Variants in KLF8 observed in about 807,000 individuals in gnomAD.
KLF8 encodes the protein Krueppel-like factor 8.
KLF8 carries 10 observed loss-of-function variants against 18.2 expected under a neutral mutation model. That is an observed-to-expected ratio of 0.55 (90% CI 0.34 to 0.93). KLF8 has a LOEUF of 0.93. Among genes scored for constraint, KLF8 ranks in the 40% least tolerant of loss-of-function variants. KLF8 has a pLI of 0.02. For synonymous variants in KLF8, 109 were observed against 97.3 expected (o/e 1.12, Z -0.71); for missense variants, 264 against 277.9 (o/e 0.95, Z 0.36).
At chrX:56,003,785 C>T in the KLF8 span, among the ~76,000 whole-genome samples, 37 of 112,097 alleles carry the variant, frequency 3.3e-4, 1 homozygote, top group East Asian at 0.01. Flanking sequence ...TGTTTTCTTA[C>T]TATTGTTTTG....
the KLF8 span, among the ~76,000 whole-genome samples, chrX:55,977,052 T>A: frequency 8.9e-6 from 1 of 112,097 alleles, no homozygotes; most frequent in Admixed American, 9.5e-5. Context: ...ATAAGATAGG[T>A]CATCTGCCAA....
At chrX:56,137,516 A>C in the KLF8 span, among the ~76,000 whole-genome samples, 1 of 104,259 alleles carries the variant, frequency 9.6e-6, no homozygotes, top group Non-Finnish European at 2.0e-5. Context: ...CAAAAAACCA[A>C]ACAATGCATA....
the KLF8 span, among the ~76,000 whole-genome samples, chrX:56,080,420 C>A: frequency 1.8e-5 from 2 of 110,719 alleles, no homozygotes; most frequent in Non-Finnish European, 3.8e-5. Flanking sequence ...CTTAGTTTGG[C>A]TGGATATGAA....
chrX:56,009,420 A>C, the KLF8 span, among the ~76,000 whole-genome samples: 3 of 111,853 alleles, frequency 2.7e-5, no homozygotes, highest in East Asian at 2.8e-4. Context: ...TCATCAACAA[A>C]AAAAAAAGTC....
At chrX:56,264,900 A>G (rs1452748549) in intron 2 of KLF8, among the ~76,000 whole-genome samples, 2 of 112,352 alleles carry the variant, frequency 1.8e-5, no homozygotes, top group Non-Finnish European at 3.8e-5. Context: ...CTGAGCTTAT[A>G]GTAGATGCTC....
the KLF8 span, among the ~76,000 whole-genome samples, chrX:56,134,452 G>A: frequency 9.0e-6 from 1 of 111,524 alleles, no homozygotes; most frequent in East Asian, 2.8e-4. Flanking sequence ...TGAGATAATT[G>A]GCAAGCCACA....
chrX:56,151,824 T>C, the KLF8 span, among the ~76,000 whole-genome samples: 1 of 111,406 alleles, frequency 9.0e-6, no homozygotes, highest in East Asian at 2.8e-4. Context: ...TGAGCTCTCC[T>C]TATTGGAGGG....
At chrX:56,193,556 T>A in the KLF8 span, among the ~76,000 whole-genome samples, 1 of 112,297 alleles carries the variant, frequency 8.9e-6, no homozygotes, top group Non-Finnish European at 1.9e-5. Flanking sequence ...TAGCTGATAC[T>A]TGGAAGCAAT....
At chrX:56,082,837 G>C in the KLF8 span, among the ~76,000 whole-genome samples, 1 of 111,151 alleles carries the variant, frequency 9.0e-6, no homozygotes, top group Non-Finnish European at 1.9e-5. Flanking sequence ...TTTTTTCTTT[G>C]AGCACCTAAA....
chrX:56,230,580 TA>T (rs1254583706), upstream of KLF8, among the ~76,000 whole-genome samples: 10 of 111,382 alleles, frequency 9.0e-5, no homozygotes. Context: ...ATGAAACAAA[TA>T]CATATGCATG....
chrX:56,085,679 C>T, the KLF8 span, among the ~76,000 whole-genome samples: 3 of 112,168 alleles, frequency 2.7e-5, no homozygotes, highest in Non-Finnish European at 3.8e-5. Context: ...CAAGTTTACA[C>T]ATGAAAGTAA....
chrX:55,929,912 T>A, the KLF8 span, among the ~76,000 whole-genome samples: 2 of 110,283 alleles, frequency 1.8e-5, no homozygotes, highest in African/African-American at 6.6e-5. Context: ...TTTTTAATTC[T>A]GTGAAGAAAG....
the KLF8 span, among the ~76,000 whole-genome samples, chrX:56,191,453 A>T: frequency 1.8e-5 from 2 of 112,014 alleles, no homozygotes; most frequent in Non-Finnish European, 3.8e-5. Context: ...TTCCAAACTT[A>T]TTCCATGAGG....
the KLF8 span, among the ~76,000 whole-genome samples, chrX:56,094,972 C>T: frequency 9.0e-6 from 1 of 111,169 alleles, no homozygotes; most frequent in South Asian, 3.8e-4. Flanking sequence ...ATGAAACTAT[C>T]AATGCCCTTC....
chrX:56,098,186 T>C, the KLF8 span, among the ~76,000 whole-genome samples: 1 of 112,121 alleles, frequency 8.9e-6, no homozygotes, highest in Admixed American at 9.5e-5. Flanking sequence ...CCCTTTCACC[T>C]TCTGCTATGA....
chrX:56,284,448 G>A lies in KLF8; in HGVS notation c.1034G>A (p.Arg345His), dbSNP rs745530968. The stretch of plus-strand genomic sequence containing the variant: ...ACAGACTGCAACCGCAGCTTTTCTC[G>A]TTCTGACCACCTGTCCCTGCATCGC... ...RCTDCNRSFSRSDHLSLHRRR... is the reference protein window; with the variant it reads ...RCTDCNRSFSHSDHLSLHRRR... Residue 345 changes from arginine (R) to histidine (H), a missense_variant, in exon 6 of 6, where the codon CGT becomes CAT. Coordinates refer to ENST00000468660, the MANE Select transcript of KLF8 (RefSeq NM_007250.5). 8.3e-7 allele frequency: 1 copy of A among 1,205,760 alleles called. No individual in the cohort carries two copies. Among genetic ancestry groups the A allele is most frequent in the Non-Finnish European group, 1.1e-6 (1 of 893,056 alleles).
At chrX:56,186,137 T>A in the KLF8 span, among the ~76,000 whole-genome samples, 1 of 111,893 alleles carries the variant, frequency 8.9e-6, no homozygotes, top group Non-Finnish European at 1.9e-5. Flanking sequence ...ACCCATCTCA[T>A]GTGCAGAGAC....
At chrX:56,145,182 C>G in the KLF8 span, among the ~76,000 whole-genome samples, 1 of 111,649 alleles carries the variant, frequency 9.0e-6, no homozygotes, top group Admixed American at 9.5e-5. Flanking sequence ...AGACGTTTTT[C>G]CAAAGATATG....
At chrX:56,117,830 C>T in the KLF8 span, among the ~76,000 whole-genome samples, 1 of 111,641 alleles carries the variant, frequency 9.0e-6, no homozygotes, top group Admixed American at 9.5e-5. Flanking sequence ...TGTTTTAGTC[C>T]ATTGAGCTGC....
Sources: gnomAD v4.1 joint callset for allele counts (sites outside exome capture counted in the v4.1 genomes callset) on GRCh38, gnomAD v4.1.1 for gene constraint, MANE v1.5 for transcripts, NCBI Gene and HGNC (gene_info 2026-07-23, HGNC 2026-07-21) for gene names.